Variants in HERC4 observed in about 807,000 individuals in gnomAD.
HERC4 encodes the protein probable E3 ubiquitin-protein ligase HERC4.
In HERC4, 28 loss-of-function variants were observed where a neutral mutation model predicts 124.3. The observed-to-expected ratio is 0.23, with a 90% CI of 0.17 to 0.31. HERC4 has a LOEUF of 0.31. HERC4 is among the 10% of genes least tolerant of loss of function. HERC4 has a pLI of 1.00. For synonymous variants in HERC4, 407 were observed against 421.5 expected (o/e 0.97, Z 0.42); for missense variants, 713 against 1,229.3 (o/e 0.58, Z 6.28).
intron 15 of HERC4, among the ~76,000 whole-genome samples, chr10:67,969,902 C>T (rs549814731): frequency 2.8e-4 from 42 of 152,258 alleles, no homozygotes; most frequent in South Asian, 6.2e-4. Flanking sequence ...CTCTCCTCTA[C>T]CAATCTTGAA....
At chr10:68,019,950 T>C (rs1202008114) in intron 8 of HERC4, among the ~76,000 whole-genome samples, 1 of 152,220 alleles carries the variant, frequency 6.6e-6, no homozygotes, top group East Asian at 1.9e-4. Context: ...CTGATGCCTT[T>C]CTCTTTTTTT....
chr10:67,967,474 AGTGTTGCTCT>A (rs1311474675), intron 15 of HERC4, among the ~76,000 whole-genome samples: 1 of 152,234 alleles, frequency 6.6e-6, no homozygotes, highest in Admixed American at 6.5e-5. Context: ...ATGCTTGTTA[AGTGTTGCTCT>A]GTGCTGGCAT....
At chr10:67,964,300 T>C (rs2034715792) in intron 16 of HERC4, among the ~76,000 whole-genome samples, 1 of 152,152 alleles carries the variant, frequency 6.6e-6, no homozygotes, top group African/African-American at 2.4e-5. Flanking sequence ...CAACAGTCTC[T>C]CTTTCACTTT....
intron 8 of HERC4, among the ~76,000 whole-genome samples, chr10:68,020,897 A>G (rs1238225626): frequency 6.6e-6 from 1 of 152,150 alleles, no homozygotes. Flanking sequence ...GGACAGTTGC[A>G]ATTATTGAGT....
Position 67,964,122 on chromosome 10 carries a change from T to C in HERC4, c.1926+2561A>G, listed in dbSNP as rs1029339280. Among the ~76,000 whole-genome samples, 5 of 140,664 alleles carry C rather than the reference T, an allele frequency of 3.6e-5. No homozygotes were observed. The East Asian group carries it at 1.0e-3, about 29-fold the overall frequency. 92.3% of individuals were successfully genotyped at this position (140,664 alleles called of 152,430 possible). On this transcript the variant is annotated intron_variant, in intron 16 of 24. Coordinates refer to ENST00000373700, the MANE Select transcript of HERC4 (RefSeq NM_015601.4). Reference sequence around the variant, plus strand: ...TTTTTTTTTTTTTGCTCCTCTTCAATGCAGAACTTCGTCAAAGTATTGCCA... The same window carrying C: ...TTTTTTTTTTTTTGCTCCTCTTCAACGCAGAACTTCGTCAAAGTATTGCCA...
chr10:68,004,212 T>C (rs978650002), intron 9 of HERC4, among the ~76,000 whole-genome samples: 5 of 152,212 alleles, frequency 3.3e-5, no homozygotes, highest in African/African-American at 4.8e-5. Context: ...TATAGAGTTG[T>C]TTCAGGAACA....
chr10:67,947,687 T>C (rs1266094011), intron 19 of HERC4, among the ~76,000 whole-genome samples: 5 of 152,126 alleles, frequency 3.3e-5, no homozygotes, highest in East Asian at 3.8e-4. Context: ...TCTTCTAGGA[T>C]AGACCATATG....
intron 3 of HERC4, among the ~76,000 whole-genome samples, chr10:68,055,294 C>T (rs1443644324): frequency 6.6e-6 from 1 of 152,076 alleles, no homozygotes; most frequent in African/African-American, 2.4e-5. Context: ...TTACCAGTAG[C>T]AATTTGGAAT....
chr10:68,011,714 G>T (rs911528663), intron 9 of HERC4, among the ~76,000 whole-genome samples: 1 of 152,202 alleles, frequency 6.6e-6, no homozygotes, highest in Non-Finnish European at 1.5e-5. Context: ...AGGCAGAGTA[G>T]ATTTAGCATA....
chr10:68,062,375 A>G (rs978125226), intron 3 of HERC4, among the ~76,000 whole-genome samples: 2 of 152,048 alleles, frequency 1.3e-5, no homozygotes, highest in African/African-American at 2.4e-5. Flanking sequence ...TACATTTACT[A>G]TTTATTTCCA....
chr10:68,059,636 ATTATATATTATATTATATATC>A lies in HERC4; in HGVS notation c.226+13226_226+13246del, dbSNP rs1564608209. Among the ~76,000 whole-genome samples the A allele has an allele frequency of 4.7e-5, 4 of 85,234 alleles. 1 individual carries two copies. The highest frequency in any genetic ancestry group is 2.4e-4 in the African/African-American group (4 of 16,404). 55.9% of individuals were successfully genotyped at this position (85,234 alleles called of 152,430 possible). ...ATATCATAATATTATATATCATAAT[ATTATATATTATATTATATATC>A]ATATTATATATTATATTATATATCA... On this transcript the variant is annotated intron_variant, in intron 3 of 24. Transcript: ENST00000373700.
At position 67,974,117 on chromosome 10, in the gene HERC4, CACAT is replaced by C. The variant is rs201373531; in HGVS notation, c.1807-7319_1807-7316del. 0.017 allele frequency among the ~76,000 whole-genome samples: 1,577 copies of C among 90,928 alleles called. 82 individuals are homozygous for C. The East Asian group carries it at 0.22, about 13-fold the overall frequency. 59.7% of individuals were successfully genotyped at this position (90,928 alleles called of 152,430 possible). On this transcript the variant is annotated intron_variant, in intron 15 of 24. Coordinates refer to ENST00000373700, the MANE Select transcript of HERC4 (RefSeq NM_015601.4). Reference sequence around the variant, plus strand: ...ACACACACACACACACACACACACACACATACACACAGGGTCAGGAAAACAAGAC... The same window carrying C: ...ACACACACACACACACACACACACACACACACAGGGTCAGGAAAACAAGAC...
chr10:67,927,410 ATATATATATATATATATATATTTT>A (rs1305678445), intron 23 of HERC4, among the ~76,000 whole-genome samples: 5 of 9,460 alleles, frequency 5.3e-4, no homozygotes, highest in African/African-American at 1.5e-3. Context: ...ATATATATAT[ATATATATATATATATATATATTTT>A]TTTTTTTTTT....
intron 3 of HERC4, among the ~76,000 whole-genome samples, chr10:68,064,920 G>A (rs2041225204): frequency 6.6e-6 from 1 of 151,478 alleles, no homozygotes; most frequent in East Asian, 1.9e-4. Flanking sequence ...TAGGGTGAGT[G>A]GAGATCGCGC....
intron 19 of HERC4, among the ~76,000 whole-genome samples, chr10:67,953,115 A>AG (rs961191101): frequency 2.0e-5 from 3 of 151,790 alleles, no homozygotes; most frequent in African/African-American, 7.3e-5. Context: ...CCATAGGAAG[A>AG]GGGGGAAAAC....
chr10:68,021,547 G>T (rs550536538), intron 8 of HERC4, among the ~76,000 whole-genome samples: 1 of 152,204 alleles, frequency 6.6e-6, no homozygotes, highest in African/African-American at 2.4e-5. Context: ...AGTGGCTCAT[G>T]CCTGTAATCC....
Position 67,991,031 on chromosome 10 carries a change from GAA to G in HERC4, c.1332-18_1332-17del, listed in dbSNP as rs5785841. On this transcript the variant is annotated splice_polypyrimidine_tract_variant and intron_variant, in intron 12 of 24. Transcript: ENST00000373700. ...ATCATCATTGCTAAAAAACAGAAAA[GAA>G]AAAAAAAAATAGAATAAAAATTTAA... 1.2e-3 allele frequency: 1,218 copies of G among 1,024,746 alleles called. No homozygotes were observed. The highest frequency in any genetic ancestry group is 1.8e-3 in the South Asian group (81 of 45,912). The allele number at this position is 1,024,746 out of a possible 1,614,324, so 63.5% of individuals were successfully genotyped here. A position where few individuals can be genotyped will look rare whatever the true frequency, so the allele number is the denominator to read the frequency against.
chr10:67,966,097 C>A (rs568540265), intron 16 of HERC4: 1 of 152,420 alleles, frequency 6.6e-6, no homozygotes. Flanking sequence ...CATGCCTCAG[C>A]CTTCTGAGTA....
chr10:68,010,743 T>G, intron 9 of HERC4: 5 of 1,491,840 alleles, frequency 3.4e-6, no homozygotes, highest in Non-Finnish European at 4.6e-6. Context: ...GTCGTTTGGC[T>G]GAACATATTC....
Sources: allele counts gnomAD v4.1 joint callset (sites outside exome capture counted in the v4.1 genomes callset), GRCh38; gene constraint gnomAD v4.1.1; transcripts MANE v1.5; gene names NCBI Gene and HGNC (gene_info 2026-07-23, HGNC 2026-07-21).